The following MEF2A variants were observed in gnomAD, a reference collection of about 807,000 sequenced individuals.
MEF2A encodes myocyte-specific enhancer factor 2A.
In MEF2A, 28 loss-of-function variants were observed where a neutral mutation model predicts 55.8. The ratio of observed to expected loss-of-function variants is 0.50; its 90% CI spans 0.37 to 0.69. The LOEUF (loss-of-function observed/expected upper bound fraction) is 0.69, where lower values mean the gene tolerates loss of function less well. Among genes scored for constraint, MEF2A ranks in the 30% least tolerant of loss-of-function variants. MEF2A has a pLI of 0.00. For missense variants in MEF2A, 528 were observed against 626.2 expected, an observed-to-expected ratio of 0.84 and a Z score of 1.67; for synonymous variants, 239 against 227.1, an observed-to-expected ratio of 1.05 and a Z score of -0.47.
intron 2 of MEF2A, among the ~76,000 whole-genome samples, chr15:99,603,373 ATT>A (rs71149481): frequency 1.3e-4 from 18 of 141,416 alleles, no homozygotes; most frequent in East Asian, 4.1e-4. Flanking sequence ...TGTTAGTAAA[ATT>A]TTTTTTTTTT....
intron 4 of MEF2A, among the ~76,000 whole-genome samples, chr15:99,668,576 A>AC (rs1316578323): frequency 6.6e-6 from 1 of 152,222 alleles, no homozygotes; most frequent in Non-Finnish European, 1.5e-5. Context: ...TATAGAGAGT[A>AC]CTCAGTGCTA....
chr15:99,702,966 G>A (rs965326735), intron 8 of MEF2A, among the ~76,000 whole-genome samples: 4 of 152,204 alleles, frequency 2.6e-5, no homozygotes, highest in Non-Finnish European at 1.5e-5. Flanking sequence ...ACCAGGTGGG[G>A]TAATAGTAGG....
chr15:99,701,066 A>G (rs923895253), intron 8 of MEF2A, among the ~76,000 whole-genome samples: 1 of 152,242 alleles, frequency 6.6e-6, no homozygotes, highest in African/African-American at 2.4e-5. Context: ...AAGTGGGCAA[A>G]AAGTTTAAGT....
At chr15:99,581,635 C>G (rs999482118) in intron 1 of MEF2A, among the ~76,000 whole-genome samples, 1 of 152,116 alleles carries the variant, frequency 6.6e-6, no homozygotes. Context: ...CTGTTTCTCA[C>G]TGTTTTAGTG....
intron 2 of MEF2A, among the ~76,000 whole-genome samples, chr15:99,628,000 T>C (rs1371649596): frequency 1.3e-5 from 2 of 152,218 alleles, no homozygotes; most frequent in Non-Finnish European, 2.9e-5. Flanking sequence ...TTATGGTTGA[T>C]GTGTAACGTA....
At chr15:99,612,133 G>C (rs955601618) in intron 2 of MEF2A, among the ~76,000 whole-genome samples, 2 of 151,920 alleles carry the variant, frequency 1.3e-5, no homozygotes, top group African/African-American at 4.8e-5. Flanking sequence ...GAAAAACACC[G>C]GGCCGGGGGC....
intron 1 of MEF2A, among the ~76,000 whole-genome samples, chr15:99,589,588 C>T (rs546754370): frequency 8.7e-4 from 133 of 152,068 alleles, no homozygotes; most frequent in Admixed American, 2.2e-3. Flanking sequence ...AAGTTTGGAA[C>T]GCTGTTAAAC....
At chr15:99,668,368 T>C (rs930189655) in intron 4 of MEF2A, among the ~76,000 whole-genome samples, 2 of 152,224 alleles carry the variant, frequency 1.3e-5, no homozygotes, top group African/African-American at 4.8e-5. Context: ...AGAAGACATT[T>C]CTTTAAGAAA....
rs187282869 is a variant in MEF2A at position 99,641,442 on chromosome 15, G to A, written c.55-4119G>A. On this transcript the variant is annotated intron_variant, in intron 3 of 11. Coordinates refer to ENST00000557942, the MANE Select transcript of MEF2A (RefSeq NM_001319206.4). ...TGCTGTTTTAAAAATTTGTCTTCTC[G>A]GCCGGGCGCGTTGGCTCACACCTGT... is the stretch of plus-strand genomic sequence containing the variant. Among the ~76,000 whole-genome samples the A allele has an allele frequency of 3.0e-3, 458 of 152,188 alleles. 4 individuals carry two copies. Among genetic ancestry groups the A allele is most frequent in the African/African-American group, 0.01 (429 of 41,520 alleles).
intron 8 of MEF2A, among the ~76,000 whole-genome samples, chr15:99,696,658 G>C (rs2056520627): frequency 6.6e-6 from 1 of 151,772 alleles, no homozygotes; most frequent in Non-Finnish European, 1.5e-5. Context: ...TCCCAAATCA[G>C]TAATCTAAGC....
intron 1 of MEF2A, among the ~76,000 whole-genome samples, chr15:99,585,711 C>G (rs1006251095): frequency 2.5e-4 from 38 of 152,306 alleles, no homozygotes; most frequent in Admixed American, 2.0e-3. Context: ...TTACTTAATT[C>G]TCACAACTGA....
intron 3 of MEF2A, among the ~76,000 whole-genome samples, chr15:99,644,139 AAT>A (rs2045538861): frequency 6.6e-6 from 1 of 152,228 alleles, no homozygotes; most frequent in African/African-American, 2.4e-5. Flanking sequence ...GCACTTGACA[AAT>A]ACAGAGAAAA....
At chr15:99,617,192 T>C (rs2040342617) in intron 2 of MEF2A, among the ~76,000 whole-genome samples, 1 of 152,086 alleles carries the variant, frequency 6.6e-6, no homozygotes, top group Non-Finnish European at 1.5e-5. Flanking sequence ...GAGTTACCTA[T>C]AGGATATCAG....
chr15:99,593,123 C>G (rs1252197981), intron 1 of MEF2A, among the ~76,000 whole-genome samples: 1 of 152,126 alleles, frequency 6.6e-6, no homozygotes, highest in Non-Finnish European at 1.5e-5. Flanking sequence ...CAGTGCTGCT[C>G]TAGAATCCCT....
rs1455405534 is a variant in MEF2A, at chr15:99,674,564, A to C, written c.562A>C (p.Asn188His). Residue 188 changes from asparagine to histidine, a missense_variant, in exon 6 of 12, where the codon AAT becomes CAT. This residue lies in a region of MEF2A where 450 missense variants were observed against 475.3 expected (regional missense o/e 0.95). Coordinates refer to ENST00000557942, the MANE Select transcript of MEF2A (RefSeq NM_001319206.4). ...TCCACCTCAAACCACATTACATAGA[A>C]ATGTGTCTCCTGGAGCTCCTCAGAG... ...LSPPQTTLHR[N>H]VSPGAPQRPP... 6.8e-6 allele frequency: 11 copies of C among 1,614,004 alleles called. No individual in the cohort carries two copies. The highest frequency in any genetic ancestry group is 8.5e-6 in the Non-Finnish European group (10 of 1,179,888).
chr15:99,585,580 C>T (rs945879164), intron 1 of MEF2A, among the ~76,000 whole-genome samples: 2 of 152,162 alleles, frequency 1.3e-5, no homozygotes, highest in African/African-American at 2.4e-5. Context: ...ATGTCTTGGA[C>T]GCAGTGACGA....
chr15:99,703,973 C>A (rs2057734042), intron 9 of MEF2A, among the ~76,000 whole-genome samples: 1 of 152,088 alleles, frequency 6.6e-6, no homozygotes, highest in African/African-American at 2.4e-5. Flanking sequence ...GCCCTTTTTC[C>A]AAAACAAACG....
intron 4 of MEF2A, among the ~76,000 whole-genome samples, chr15:99,665,226 A>G (rs2049378798): frequency 6.6e-6 from 1 of 152,222 alleles, no homozygotes; most frequent in African/African-American, 2.4e-5. Context: ...ACTAAGTTTC[A>G]GGCTTTCATT....
intron 1 of MEF2A, among the ~76,000 whole-genome samples, chr15:99,582,868 A>G (rs1966337544): frequency 6.6e-6 from 1 of 152,098 alleles, no homozygotes; most frequent in South Asian, 2.1e-4. Context: ...TGCCACAACT[A>G]TCCTGGGATA....
Sources: allele counts gnomAD v4.1 joint callset (sites outside exome capture counted in the v4.1 genomes callset), GRCh38; gene constraint gnomAD v4.1.1; regional missense constraint gnomAD v4.1.1; transcripts MANE v1.5; gene names NCBI Gene and HGNC (gene_info 2026-07-23, HGNC 2026-07-21).